ZNF385D: variants seen among roughly 807,000 people sequenced by gnomAD.
The protein encoded by ZNF385D is zinc finger protein 385D, also known as zinc finger protein 659.
In ZNF385D, 15 loss-of-function variants were observed where a neutral mutation model predicts 35.8. The observed-to-expected ratio is 0.42, with a 90% CI of 0.28 to 0.64. ZNF385D has a LOEUF of 0.64. Ranked by LOEUF, ZNF385D falls within the 30% of genes least tolerant of loss-of-function variation. The pLI is 0.23. For missense variants in ZNF385D, 474 were observed against 494.6 expected (o/e 0.96, Z 0.39); for synonymous variants, 212 against 186.8 (o/e 1.13, Z -1.10).
At chr3:22,328,720 C>A (rs1694788990) in intron 2 of ZNF385D, among the ~76,000 whole-genome samples, 1 of 150,694 alleles carries the variant, frequency 6.6e-6, no homozygotes, top group African/African-American at 2.4e-5. Flanking sequence ...CCAGATTGCA[C>A]CACTGCACTC....
At chr3:22,114,327 CTG>C (rs1702700143) in intron 3 of ZNF385D, among the ~76,000 whole-genome samples, 1 of 152,018 alleles carries the variant, frequency 6.6e-6, no homozygotes, top group Non-Finnish European at 1.5e-5. Flanking sequence ...ACGTAGAAAA[CTG>C]ATAAACAGTC....
chr3:21,753,509 T>G (rs2070197339), upstream of ZNF385D, among the ~76,000 whole-genome samples: 1 of 152,152 alleles, frequency 6.6e-6, no homozygotes, highest in African/African-American at 2.4e-5. Flanking sequence ...AATATGGCAT[T>G]CCAGAAACAA....
chr3:22,351,211 C>G (rs1695901049), intron 2 of ZNF385D, among the ~76,000 whole-genome samples: 1 of 152,020 alleles, frequency 6.6e-6, no homozygotes, highest in Admixed American at 6.6e-5. Context: ...GTTTTGTTTT[C>G]CATAAAGACA....
chr3:21,437,172 CG>C lies in ZNF385D; in HGVS notation c.470del (p.Thr157ArgfsTer13). 6.2e-7 allele frequency: 1 copy of C among 1,613,662 alleles called. No homozygotes were observed. Among genetic ancestry groups the C allele is most frequent in the Non-Finnish European group, 8.5e-7 (1 of 1,179,830 alleles). ...DGTAGTPAISTTTTVEIRKSS... is the reference protein window; with the variant it reads ...DGTAGTPAISXTTTVEIRKSS... Reference sequence around the variant, plus strand: ...TTTTGCGGATTTCCACAGTTGTCGTCGTTGATATTGCTGGTGTCCCTGCAGT... The same window carrying C: ...TTTTGCGGATTTCCACAGTTGTCGTCTTGATATTGCTGGTGTCCCTGCAGT... On this transcript the variant is annotated frameshift_variant, in exon 5 of 8. Transcript: ENST00000281523. LOFTEE classifies it high-confidence loss of function.
intron 2 of ZNF385D, among the ~76,000 whole-genome samples, chr3:21,601,527 T>C (rs1180467219): frequency 6.6e-6 from 1 of 152,222 alleles, no homozygotes; most frequent in Non-Finnish European, 1.5e-5. Flanking sequence ...CCTCCTTTGC[T>C]AATAAAAGTC....
At chr3:21,930,151 A>G (rs1336974655) in intron 3 of ZNF385D, among the ~76,000 whole-genome samples, 1 of 152,082 alleles carries the variant, frequency 6.6e-6, no homozygotes, top group Non-Finnish European at 1.5e-5. Context: ...ACTTTATGAC[A>G]ATTAGTTTTC....
chr3:21,980,934 A>G (rs1011517458), intron 3 of ZNF385D, among the ~76,000 whole-genome samples: 11 of 152,158 alleles, frequency 7.2e-5, no homozygotes, highest in African/African-American at 2.7e-4. Context: ...TCCATGGTAT[A>G]TATGTACCAC....
chr3:22,225,353 G>C lies in ZNF385D; in HGVS notation c.107-56318C>G, dbSNP rs561817489. ...ATGTGTTTCTTTGCCTGAGGCTCTC[G>C]TGTAACCCGCGTCCACCCTGCACCC... On this transcript the variant is annotated intron_variant, in intron 2 of 5. Transcript: ENST00000494108. Among the ~76,000 whole-genome samples, 13 of 152,210 alleles carry C rather than the reference G, an allele frequency of 8.5e-5. No individual in the cohort carries two copies. The South Asian group carries it at 2.5e-3, about 29-fold the overall frequency.
At chr3:22,010,117 AT>A (rs1696476120) in intron 3 of ZNF385D, among the ~76,000 whole-genome samples, 1 of 152,152 alleles carries the variant, frequency 6.6e-6, no homozygotes, top group Non-Finnish European at 1.5e-5. Context: ...AGAAAAAAAA[AT>A]CTACAAGATT....
upstream of ZNF385D, among the ~76,000 whole-genome samples, chr3:21,754,823 T>C (rs1467813742): frequency 1.1e-4 from 16 of 152,208 alleles, no homozygotes; most frequent in Admixed American, 1.0e-3. Flanking sequence ...CTTAGAAAGG[T>C]ACCTGCTACT....
At chr3:21,888,823 G>A (rs375099508) in intron 3 of ZNF385D, among the ~76,000 whole-genome samples, 2 of 152,228 alleles carry the variant, frequency 1.3e-5, no homozygotes, top group Non-Finnish European at 2.9e-5. Flanking sequence ...CATCTAAGTT[G>A]AGGTTGCCAA....
At chr3:21,709,676 T>C (rs772077524) in intron 1 of ZNF385D, among the ~76,000 whole-genome samples, 1 of 152,128 alleles carries the variant, frequency 6.6e-6, no homozygotes, top group Non-Finnish European at 1.5e-5. Flanking sequence ...AGAAAAGTCA[T>C]AGATAAGAGG....
Position 21,465,992 on chromosome 3 carries a change from C to T in ZNF385D, c.440-28789G>A, listed in dbSNP as rs971558071. Among the ~76,000 whole-genome samples, 1 of 152,090 alleles carries T rather than the reference C, an allele frequency of 6.6e-6. No homozygotes were observed. Among genetic ancestry groups the T allele is most frequent in the African/African-American group, 2.4e-5 (1 of 41,410 alleles). ...CAAAAATCTTAGAAAAGTGGGTCTCCATCTTCATTTCTAATAGCAGAGTGG... is the reference window on the plus strand; with the variant it reads ...CAAAAATCTTAGAAAAGTGGGTCTCTATCTTCATTTCTAATAGCAGAGTGG... On this transcript the variant is annotated intron_variant, in intron 4 of 7. Coordinates refer to ENST00000281523, the MANE Select transcript of ZNF385D (RefSeq NM_024697.3). This position sits in a 1 kb window ranked among gnomAD's most constrained non-coding sequence, Gnocchi z 4.2.
At chr3:22,268,114 T>G (rs1030710403) in intron 2 of ZNF385D, among the ~76,000 whole-genome samples, 4 of 151,954 alleles carry the variant, frequency 2.6e-5, no homozygotes, top group African/African-American at 9.7e-5. Context: ...AAAAATTGAT[T>G]ATTTAGTTTT....
intron 2 of ZNF385D, among the ~76,000 whole-genome samples, chr3:21,620,928 A>G (rs1313634226): frequency 6.6e-6 from 1 of 151,978 alleles, no homozygotes; most frequent in Non-Finnish European, 1.5e-5. Flanking sequence ...CAAATTAAAC[A>G]CTGTAGGTAA....
At chr3:22,170,556 CT>C (rs986743858) in intron 2 of ZNF385D, among the ~76,000 whole-genome samples, 53 of 152,126 alleles carry the variant, frequency 3.5e-4, no homozygotes, top group African/African-American at 1.1e-3. Flanking sequence ...TATTAACTTC[CT>C]TTTAAAAAGG....
chr3:22,084,890 G>A (rs1700945051), intron 3 of ZNF385D, among the ~76,000 whole-genome samples: 1 of 152,192 alleles, frequency 6.6e-6, no homozygotes, highest in Non-Finnish European at 1.5e-5. Flanking sequence ...AGACCACAGT[G>A]CAATCAAATT....
chr3:21,950,116 C>G lies in ZNF385D; in HGVS notation c.325+218701G>C, dbSNP rs1414197983. The stretch of plus-strand genomic sequence containing the variant: ...TAAATGGTATTTCTGGTTCTAGATC[C>G]TTGAGGAATCACCACACTGTCTTCT... On this transcript the variant is annotated intron_variant, in intron 3 of 5. Coordinates refer to the ZNF385D transcript ENST00000494108. Among the ~76,000 whole-genome samples, 3 of 149,438 alleles carry G rather than the reference C, an allele frequency of 2.0e-5. No individual in the cohort carries two copies. In the East Asian group the frequency reaches 5.8e-4, roughly 29 times the overall value.
At chr3:21,866,747 AT>A (rs1392276233) in intron 3 of ZNF385D, among the ~76,000 whole-genome samples, 2 of 152,166 alleles carry the variant, frequency 1.3e-5, no homozygotes, top group African/African-American at 2.4e-5. Flanking sequence ...TTTTCCCTCC[AT>A]TTTAGCAAAT....
Sources: allele counts gnomAD v4.1 joint callset (sites outside exome capture counted in the v4.1 genomes callset), GRCh38; gene constraint gnomAD v4.1.1; non-coding constraint Gnocchi (gnomAD v3.1); transcripts MANE v1.5; gene names NCBI Gene and HGNC (gene_info 2026-07-23, HGNC 2026-07-21).